ZNF536: variants seen among roughly 807,000 people sequenced by gnomAD.
ZNF536 encodes the protein zinc finger protein 536.
ZNF536 carries 13 observed loss-of-function variants against 84.5 expected under a neutral mutation model. That is an observed-to-expected ratio of 0.15 (90% CI 0.10 to 0.24). The LOEUF (loss-of-function observed/expected upper bound fraction) is 0.24. ZNF536 is among the 10% of genes least tolerant of loss of function. ZNF536 has a pLI of 1.00. For missense variants in ZNF536, 1,536 were observed against 1,747.5 expected (o/e 0.88, Z 2.16); for synonymous variants, 811 against 742.5 (o/e 1.09, Z -1.50).
At chr19:30,276,181 G>C (rs1334045952) in intron 1 of ZNF536, among the ~76,000 whole-genome samples, 1 of 152,116 alleles carries the variant, frequency 6.6e-6, no homozygotes, top group East Asian at 1.9e-4. Flanking sequence ...CTTCAAAGGG[G>C]ACACCAAGTG....
intron 1 of ZNF536, among the ~76,000 whole-genome samples, chr19:30,429,898 G>A (rs1260956538): frequency 6.6e-6 from 1 of 152,196 alleles, no homozygotes; most frequent in Non-Finnish European, 1.5e-5. Context: ...ACCAGAATTT[G>A]TAGGTACTTG....
At chr19:30,692,387 G>A (rs902447743) in intron 1 of ZNF536, among the ~76,000 whole-genome samples, 5 of 152,220 alleles carry the variant, frequency 3.3e-5, no homozygotes, top group Non-Finnish European at 7.3e-5. Flanking sequence ...CGTAGGTGAA[G>A]CAGTTTTACT....
rs907222108 is a variant in ZNF536, at chr19:30,472,031, C to T, written c.2170+26299C>T. On this transcript the variant is annotated intron_variant, in intron 2 of 4. Transcript: ENST00000355537. ...CTGGCCTTGACCGCCCCCATCCCTACAGCTTTCTTGTTAGGAGAGGAGGGC... is the reference window on the plus strand; with the variant it reads ...CTGGCCTTGACCGCCCCCATCCCTATAGCTTTCTTGTTAGGAGAGGAGGGC... 2.0e-5 allele frequency among the ~76,000 whole-genome samples: 3 copies of T among 152,186 alleles called. No individual in the cohort carries two copies. The East Asian group carries it at 5.8e-4, about 29-fold the overall frequency.
chr19:30,702,354 A>G (rs1164970290), intron 1 of ZNF536, among the ~76,000 whole-genome samples: 2 of 152,234 alleles, frequency 1.3e-5, no homozygotes, highest in African/African-American at 4.8e-5. Context: ...GCGCAGCGAC[A>G]ATACAAATTA....
At chr19:30,498,906 G>A (rs904936264) in intron 2 of ZNF536, among the ~76,000 whole-genome samples, 1 of 152,258 alleles carries the variant, frequency 6.6e-6, no homozygotes, top group Middle Eastern at 3.4e-3. Context: ...CCGAGGAGCC[G>A]TTCCAGCCCG....
chr19:30,646,394 G>A (rs1217975717), intron 1 of ZNF536, among the ~76,000 whole-genome samples: 1 of 152,260 alleles, frequency 6.6e-6, no homozygotes, highest in Non-Finnish European at 1.5e-5. Flanking sequence ...GTGTCTAGGA[G>A]CACGAATGTG....
intron 1 of ZNF536, among the ~76,000 whole-genome samples, chr19:30,441,640 T>A (rs1166955713): frequency 6.6e-6 from 1 of 152,202 alleles, no homozygotes; most frequent in African/African-American, 2.4e-5. Context: ...CCGCGTATTT[T>A]AAAAAAATTT....
chr19:30,624,666 G>A (rs530882435), intron 1 of ZNF536, among the ~76,000 whole-genome samples: 12 of 152,154 alleles, frequency 7.9e-5, no homozygotes, highest in Non-Finnish European at 1.5e-4. Context: ...GGTTTGTTAG[G>A]GAGCAGGGCT....
intron 1 of ZNF536, among the ~76,000 whole-genome samples, chr19:30,437,764 A>G (rs1382073561): frequency 6.6e-6 from 1 of 152,242 alleles, no homozygotes; most frequent in Non-Finnish European, 1.5e-5. Flanking sequence ...AAGAGTTTAC[A>G]GTGGCCTTTA....
chr19:30,574,954 G>A (rs879445483), intron 1 of ZNF536, among the ~76,000 whole-genome samples: 6 of 152,166 alleles, frequency 3.9e-5, no homozygotes, highest in Non-Finnish European at 8.8e-5. Flanking sequence ...GTGATGGCAG[G>A]AAGGCTGTGG....
chr19:30,322,846 C>G (rs2046901968), intron 2 of ZNF536, among the ~76,000 whole-genome samples: 1 of 152,128 alleles, frequency 6.6e-6, no homozygotes, highest in Non-Finnish European at 1.5e-5. Flanking sequence ...CCACTCTGGC[C>G]TGGCGCTTCC....
chr19:30,654,165 G>T (rs2049816687), intron 1 of ZNF536, among the ~76,000 whole-genome samples: 1 of 152,164 alleles, frequency 6.6e-6, no homozygotes, highest in Non-Finnish European at 1.5e-5. Context: ...CTGCTACCTG[G>T]CAGCAGGTGT....
At chr19:30,597,055 A>G (rs2047491626) in intron 1 of ZNF536, among the ~76,000 whole-genome samples, 1 of 152,104 alleles carries the variant, frequency 6.6e-6, no homozygotes, top group Non-Finnish European at 1.5e-5. Flanking sequence ...GGAACCTTTC[A>G]ATTGTTACTT....
chr19:30,639,695 G>A (rs899116089), intron 1 of ZNF536, among the ~76,000 whole-genome samples: 13 of 152,280 alleles, frequency 8.5e-5, no homozygotes, highest in Middle Eastern at 3.4e-3. Context: ...ATAAGTGTGC[G>A]GGGTGCTTAT....
At chr19:30,238,486 C>T (rs753543879) in intron 1 of ZNF536, among the ~76,000 whole-genome samples, 3 of 152,090 alleles carry the variant, frequency 2.0e-5, no homozygotes, top group Non-Finnish European at 4.4e-5. Context: ...CATACATGCA[C>T]ACAAGTGTAC....
chr19:30,453,314 C>T (rs867224962), intron 2 of ZNF536, among the ~76,000 whole-genome samples: 18 of 152,102 alleles, frequency 1.2e-4, no homozygotes, highest in African/African-American at 3.9e-4. Context: ...AGGTCTACCT[C>T]GGGGTGCATG....
chr19:30,298,424 G>T (rs945341780), intron 2 of ZNF536, among the ~76,000 whole-genome samples: 1 of 152,218 alleles, frequency 6.6e-6, no homozygotes, highest in African/African-American at 2.4e-5. Flanking sequence ...TGCAGAGGAT[G>T]TGCAACCAAG....
chr19:30,704,504 G>A (rs535589380), intron 1 of ZNF536, among the ~76,000 whole-genome samples: 247 of 152,036 alleles, frequency 1.6e-3, no homozygotes, highest in Middle Eastern at 6.8e-3. Flanking sequence ...AAAATTACCC[G>A]GGCATGGTAG....
At chr19:30,560,719 AGT>A (rs1316255934), downstream of ZNF536, among the ~76,000 whole-genome samples, 1 of 152,236 alleles carries the variant, frequency 6.6e-6, no homozygotes, top group Non-Finnish European at 1.5e-5. Context: ...CATGTTCGGA[AGT>A]GTGTTTGCTT....
Sources: gnomAD v4.1 joint callset for allele counts (sites outside exome capture counted in the v4.1 genomes callset) on GRCh38, gnomAD v4.1.1 for gene constraint, MANE v1.5 for transcripts, NCBI Gene and HGNC (gene_info 2026-07-23, HGNC 2026-07-21) for gene names.